LARP4B: variants seen among roughly 807,000 people sequenced by gnomAD.
LARP4B encodes La ribonucleoprotein 4B.
In LARP4B, 12 loss-of-function variants were observed where a neutral mutation model predicts 89.8. The observed-to-expected ratio is 0.13, with a 90% confidence interval of 0.09 to 0.22. The LOEUF (loss-of-function observed/expected upper bound fraction) is 0.22. Ranked by LOEUF, LARP4B falls within the 10% of genes least tolerant of loss-of-function variation. The probability of loss-of-function intolerance (pLI) is 1.00; values close to 1 mark genes in which losing one functional copy is unlikely to be tolerated. For missense variants in LARP4B, 757 were observed against 947.7 expected, an observed-to-expected ratio of 0.80 and a Z score of 2.64; for synonymous variants, 367 against 363.3, an observed-to-expected ratio of 1.01 and a Z score of -0.12.
intron 3 of LARP4B, among the ~76,000 whole-genome samples, chr10:881,150 C>A (rs767632813): frequency 1.3e-5 from 2 of 152,192 alleles, no homozygotes; most frequent in African/African-American, 2.4e-5. Flanking sequence ...CCAAACGACA[C>A]TGTTGCTGAA....
At chr10:966,437 C>T in the LARP4B span, among the ~76,000 whole-genome samples, 1 of 152,218 alleles carries the variant, frequency 6.6e-6, no homozygotes, top group African/African-American at 2.4e-5. Flanking sequence ...GCCTCGTTGA[C>T]AGAGCCAGAC....
At chr10:892,495 A>G (rs72778228) in intron 1 of LARP4B, among the ~76,000 whole-genome samples, 16,109 of 152,160 alleles carry the variant, frequency 0.11, 1,146 homozygotes, top group Non-Finnish European at 0.16. Flanking sequence ...CAAATAAACA[A>G]CTATATGTCA....
At chr10:877,788 T>A (rs993570206) in intron 3 of LARP4B, among the ~76,000 whole-genome samples, 1 of 152,200 alleles carries the variant, frequency 6.6e-6, no homozygotes. Context: ...ATGGAGCACC[T>A]ACCTGTCAGG....
intron 1 of LARP4B, among the ~76,000 whole-genome samples, chr10:916,974 A>G (rs1329045450): frequency 1.3e-5 from 2 of 152,182 alleles, no homozygotes; most frequent in East Asian, 3.9e-4. Context: ...CTGAGATTAT[A>G]GCTATGAGCC....
At chr10:906,846 T>TA (rs1836506476) in intron 1 of LARP4B, among the ~76,000 whole-genome samples, 1 of 152,224 alleles carries the variant, frequency 6.6e-6, no homozygotes, top group South Asian at 2.1e-4. Context: ...TTTCTATCCC[T>TA]GTCATGAAAC....
In LARP4B at chr10:856,239, T is replaced by C. The variant is rs1834296647; in HGVS notation, c.430+7504A>G. Among the ~76,000 whole-genome samples, 4 of 152,202 alleles carry C rather than the reference T, an allele frequency of 2.6e-5. No homozygotes were observed. The South Asian group carries it at 6.2e-4, about 24-fold the overall frequency. On this transcript the variant is annotated intron_variant, in intron 5 of 17. Coordinates refer to ENST00000316157, the MANE Select transcript of LARP4B (RefSeq NM_015155.3). Reference sequence around the variant, plus strand: ...ACAAAGTACATTGCGTATCTGGACTTATATCCAAAACATATAAATAACTAT... The same window carrying C: ...ACAAAGTACATTGCGTATCTGGACTCATATCCAAAACATATAAATAACTAT...
At chr10:870,420 C>T (rs1244809023) in intron 3 of LARP4B, among the ~76,000 whole-genome samples, 1 of 152,190 alleles carries the variant, frequency 6.6e-6, no homozygotes, top group African/African-American at 2.4e-5. Context: ...ACGGGGACAG[C>T]GGGAATCCCC....
At chr10:957,308 G>A in the LARP4B span, among the ~76,000 whole-genome samples, 3 of 152,098 alleles carry the variant, frequency 2.0e-5, no homozygotes, top group Admixed American at 2.0e-4. Flanking sequence ...GATTACAGAC[G>A]TGTGCCATCA....
At chr10:906,667 G>C (rs1461251218) in intron 1 of LARP4B, among the ~76,000 whole-genome samples, 1 of 152,172 alleles carries the variant, frequency 6.6e-6, no homozygotes, top group Admixed American at 6.5e-5. Context: ...TTATCTAAGT[G>C]AATGCCCAGT....
At chr10:941,132 G>A in the LARP4B span, among the ~76,000 whole-genome samples, 33 of 152,112 alleles carry the variant, frequency 2.2e-4, no homozygotes, top group African/African-American at 7.5e-4. Flanking sequence ...GGAGGAGGAC[G>A]GACATTTGCC....
chr10:959,868 C>A, the LARP4B span, among the ~76,000 whole-genome samples: 1 of 135,860 alleles, frequency 7.4e-6, no homozygotes, highest in Non-Finnish European at 1.6e-5. Flanking sequence ...TCCACCTCCT[C>A]GTCAATCCAC....
chr10:839,023 T>C (rs975813359), intron 7 of LARP4B, among the ~76,000 whole-genome samples: 6 of 152,188 alleles, frequency 3.9e-5, no homozygotes, highest in African/African-American at 1.2e-4. Flanking sequence ...AGAGGCTACA[T>C]CCTATAGGAT....
intron 1 of LARP4B, among the ~76,000 whole-genome samples, chr10:902,656 T>C (rs567255770): frequency 6.3e-4 from 90 of 142,396 alleles, no homozygotes; most frequent in Non-Finnish European, 1.1e-3. Flanking sequence ...TTTTTTTTTT[T>C]AATTTTGAGA....
the LARP4B span, chr10:971,106 T>A: frequency 1.3e-5 from 2 of 152,252 alleles, no homozygotes. Context: ...AAAAGAGTTA[T>A]TTGGGTAAGC....
At chr10:972,014 CCTCT>C in the LARP4B span, 118,828 of 156,132 alleles carry the variant, frequency 0.76, 45,166 homozygotes, top group East Asian at 0.9. Context: ...CATTCCCATT[CCTCT>C]CTCTCTCTCT....
upstream of LARP4B, among the ~76,000 whole-genome samples, chr10:935,721 T>TC (rs1830741278): frequency 1.7e-5 from 2 of 120,992 alleles, no homozygotes; most frequent in African/African-American, 6.3e-5. Context: ...TCTTTTCTTT[T>TC]CTTTTTTTTT....
intron 15 of LARP4B, chr10:815,365 A>C: frequency 4.5e-6 from 1 of 224,024 alleles, no homozygotes. Context: ...CATCAAACAC[A>C]TCTCACCCAC....
At chr10:916,189 T>A (rs1478158726) in intron 1 of LARP4B, among the ~76,000 whole-genome samples, 4 of 152,164 alleles carry the variant, frequency 2.6e-5, no homozygotes, top group Non-Finnish European at 5.9e-5. Context: ...TCAGACATAA[T>A]TATGGTTATT....
At chr10:813,261 G>C in intron 17 of LARP4B, 48 bp from the exon 18 acceptor site, 1 of 1,497,030 alleles carries the variant, frequency 6.7e-7, no homozygotes, top group Non-Finnish European at 8.9e-7. Flanking sequence ...GTGTCTCTAG[G>C]GACAAGACAG....
Sources: gnomAD v4.1 joint callset for allele counts (sites outside exome capture counted in the v4.1 genomes callset) on GRCh38, gnomAD v4.1.1 for gene constraint, MANE v1.5 for transcripts, NCBI Gene and HGNC (gene_info 2026-07-23, HGNC 2026-07-21) for gene names.